ANXA11: variants seen among roughly 807,000 people sequenced by gnomAD.
ANXA11 encodes annexin A11.
ANXA11 carries 57 observed loss-of-function variants against 64.7 expected under a neutral mutation model. That is an observed-to-expected ratio of 0.88 (90% CI 0.71 to 1.10). The LOEUF (loss-of-function observed/expected upper bound fraction) is 1.10. Ranked by LOEUF, ANXA11 falls within the 50% of genes least tolerant of loss-of-function variation. ANXA11 has a pLI of 0.00. For synonymous variants in ANXA11, 260 were observed against 265.2 expected, an observed-to-expected ratio of 0.98 and a Z score of 0.19; for missense variants, 675 against 670.7, an observed-to-expected ratio of 1.01 and a Z score of -0.07.
intron 1 of ANXA11, among the ~76,000 whole-genome samples, chr10:80,201,946 C>T (rs1181526174): frequency 6.6e-6 from 1 of 152,158 alleles, no homozygotes; most frequent in Non-Finnish European, 1.5e-5. Context: ...GGACACCTGA[C>T]TTCCTTCTCA....
intron 1 of ANXA11, among the ~76,000 whole-genome samples, chr10:80,193,247 G>T (rs558986046): frequency 3.4e-4 from 51 of 152,148 alleles, no homozygotes; most frequent in Non-Finnish European, 2.2e-4. Flanking sequence ...AAATATTGAT[G>T]TATGTATTGG....
rs142541768 is a variant in ANXA11 at position 80,188,606 on chromosome 10, C to T, written c.-57-12451G>A. 1.2e-4 allele frequency among the ~76,000 whole-genome samples: 18 copies of T among 151,266 alleles called. No individual in the cohort carries two copies. In the East Asian group the frequency reaches 3.1e-3, roughly 26 times the overall value. On this transcript the variant is annotated intron_variant, in intron 1 of 15. Coordinates refer to ENST00000422982, the MANE Select transcript of ANXA11 (RefSeq NM_145868.2). ...CCTGGAGCCAAGGTCTGGTTCCTAA[C>T]GCAACTGCTTGCTGTGTGACCCCCC...
intron 3 of ANXA11, 33 bp from the exon 4 acceptor site, chr10:80,170,948 C>G: frequency 6.4e-7 from 1 of 1,565,008 alleles, no homozygotes; most frequent in Non-Finnish European, 8.6e-7. Flanking sequence ...TAGCCCCCTG[C>G]CAGTCCCCCA....
intron 1 of ANXA11, among the ~76,000 whole-genome samples, chr10:80,186,394 G>A (rs763685650): frequency 2.6e-5 from 4 of 152,092 alleles, no homozygotes; most frequent in Non-Finnish European, 4.4e-5. Context: ...GGCTGTGTTG[G>A]ATTTTCCAGC....
chr10:80,171,023 C>T (rs945497844), intron 3 of ANXA11, 108 bp from the exon 4 acceptor site: 5 of 1,515,558 alleles, frequency 3.3e-6, no homozygotes, highest in Admixed American at 2.1e-5. Flanking sequence ...AGTAAAGCCT[C>T]GAGCCTCGAG....
In ANXA11 at chr10:80,164,148, A is replaced by AG. The variant is rs778809691; in HGVS notation, c.859-6dup. 2 of 1,612,922 alleles carry AG rather than the reference A, an allele frequency of 1.2e-6. No individual in the cohort carries two copies. Among genetic ancestry groups the AG allele is most frequent in the South Asian group, 2.2e-5 (2 of 91,040 alleles). Reference sequence around the variant, plus strand: ...GGCTTCATCAGTGCCAACCCCCTGCAGGGGCAGAGAATACAACCAACCATG... The same window carrying AG: ...GGCTTCATCAGTGCCAACCCCCTGCAGGGGGCAGAGAATACAACCAACCATG... On this transcript the variant is annotated splice_polypyrimidine_tract_variant and splice_region_variant and intron_variant, in intron 8 of 15. Transcript: ENST00000422982.
At chr10:80,186,513 C>T (rs998047481) in intron 1 of ANXA11, among the ~76,000 whole-genome samples, 1 of 152,086 alleles carries the variant, frequency 6.6e-6, no homozygotes. Flanking sequence ...GAGGGGACAG[C>T]GAAGGCAAGA....
intron 2 of ANXA11, among the ~76,000 whole-genome samples, chr10:80,173,787 T>G (rs1191297162): frequency 6.6e-6 from 1 of 152,216 alleles, no homozygotes; most frequent in East Asian, 1.9e-4. Context: ...CAATCACACC[T>G]GCTCGTCTCG....
At chr10:80,170,069 C>T (rs1845912519) in intron 4 of ANXA11, among the ~76,000 whole-genome samples, 1 of 152,186 alleles carries the variant, frequency 6.6e-6, no homozygotes, top group Non-Finnish European at 1.5e-5. Flanking sequence ...CACCCCCACT[C>T]CTGACCCCTT....
intron 1 of ANXA11, among the ~76,000 whole-genome samples, chr10:80,186,928 A>G (rs535831162): frequency 6.6e-6 from 1 of 152,364 alleles, no homozygotes; most frequent in African/African-American, 2.4e-5. Flanking sequence ...ATAAGAGCCA[A>G]TGCTCAGTCA....
chr10:80,156,386 T>C (rs1288260277), intron 15 of ANXA11: 1 of 472,880 alleles, frequency 2.1e-6, no homozygotes, highest in South Asian at 1.6e-5. Flanking sequence ...ACTCTAAGAG[T>C]GCAGGCTCGG....
chr10:80,174,598 G>A lies in ANXA11; in HGVS notation c.-9+1509C>T, dbSNP rs574104930. On this transcript the variant is annotated intron_variant, in intron 2 of 15. Coordinates refer to ENST00000422982, the MANE Select transcript of ANXA11 (RefSeq NM_145868.2). The stretch of plus-strand genomic sequence containing the variant: ...GGCCTACTTTTATTTTTTAAACAGC[G>A]TCTCACTCTATCACCCAGGCTGGAG... Among the ~76,000 whole-genome samples the A allele has an allele frequency of 1.6e-4, 24 of 151,428 alleles. No individual in the cohort carries two copies. The South Asian group carries it at 1.7e-3, about 11-fold the overall frequency.
At chr10:80,173,116 C>T in intron 2 of ANXA11, 1 of 490,268 alleles carries the variant, frequency 2.0e-6, no homozygotes, top group South Asian at 2.5e-5. Context: ...CCCACAGTGA[C>T]AGGATTCACT....
intron 9 of ANXA11, 86 bp downstream of exon 9, chr10:80,163,967 G>T: frequency 1.7e-6 from 2 of 1,156,484 alleles, no homozygotes; most frequent in Non-Finnish European, 1.3e-6. Flanking sequence ...AGGAGTAAAA[G>T]GCCCTAGGAG....
intron 1 of ANXA11, among the ~76,000 whole-genome samples, chr10:80,188,896 C>A (rs1846655557): frequency 6.6e-6 from 1 of 152,116 alleles, no homozygotes; most frequent in African/African-American, 2.4e-5. Context: ...CAGCCCAGCC[C>A]ACACAGTGAG....
At chr10:80,191,108 C>T (rs1277029433) in intron 1 of ANXA11, among the ~76,000 whole-genome samples, 1 of 152,016 alleles carries the variant, frequency 6.6e-6, no homozygotes, top group African/African-American at 2.4e-5. Flanking sequence ...ACCTGCAATC[C>T]CAGCTACTCG....
rs1465471747 is a variant in ANXA11 at position 80,163,369 on chromosome 10, G to A, written c.1066C>T (p.Leu356Phe). 2 of 1,613,528 alleles carry A rather than the reference G, an allele frequency of 1.2e-6. No individual in the cohort carries two copies. The highest frequency in any genetic ancestry group is 2.2e-5 in the East Asian group (1 of 44,884). ...CTCACCTGGGCATCTCTCTGGGCGAGTGACATGTCCACGTTTGTGCTTTCA... is the reference window on the plus strand; with the variant it reads ...CTCACCTGGGCATCTCTCTGGGCGAATGACATGTCCACGTTTGTGCTTTCA... Reference protein sequence around the residue: ...RDESTNVDMSLAQRDAQELYA... With the variant: ...RDESTNVDMSFAQRDAQELYA... The change falls in exon 11 of 16, where the codon CTC becomes TTC. Residue 356 changes from leucine to phenylalanine, a missense_variant. Leu to Phe is a conservative substitution (Grantham distance 22). Transcript: ENST00000422982.
At chr10:80,180,644 GTTTTTT>G (rs5786436) in intron 1 of ANXA11, among the ~76,000 whole-genome samples, 1 of 147,786 alleles carries the variant, frequency 6.8e-6, no homozygotes, top group African/African-American at 2.5e-5. Flanking sequence ...TTGTATATTA[GTTTTTT>G]TTTTTTTTAA....
intron 13 of ANXA11, 43 bp from the exon 14 acceptor site, chr10:80,158,068 C>A (rs907236029): frequency 1.3e-6 from 2 of 1,597,068 alleles, no homozygotes; most frequent in African/African-American, 1.3e-5. Flanking sequence ...GCAGAAAATT[C>A]TCAGCCCAAG....
Sources: gnomAD v4.1 joint callset for allele counts (sites outside exome capture counted in the v4.1 genomes callset) on GRCh38, gnomAD v4.1.1 for gene constraint, MANE v1.5 for transcripts, NCBI Gene and HGNC (gene_info 2026-07-23, HGNC 2026-07-21) for gene names.